The following HSPA4L variants were observed in gnomAD, a reference collection of about 807,000 sequenced individuals.
The protein encoded by HSPA4L is heat shock protein family A (Hsp70) member 4 like.
Under a neutral mutation model 100.3 loss-of-function variants are expected in HSPA4L, and 48 were observed. That is an observed-to-expected ratio of 0.48 (90% CI 0.38 to 0.61). The LOEUF (loss-of-function observed/expected upper bound fraction) is 0.61, where lower values mean the gene tolerates loss of function less well. Among genes scored for constraint, HSPA4L ranks in the 20% least tolerant of loss-of-function variants. The pLI is 0.00. For synonymous variants in HSPA4L, 319 were observed against 328.2 expected (o/e 0.97, Z 0.30); for missense variants, 886 against 988.6 (o/e 0.90, Z 1.39).
rs1369097788 is a variant in HSPA4L at position 127,803,685 on chromosome 4, A to G, written c.720A>G (p.Leu240=). The G allele has an allele frequency of 6.2e-7, 1 of 1,613,684 alleles. No individual in the cohort carries two copies. The change falls in exon 7 of 19, where the codon TTA becomes TTG. Residue 240 remains leucine (L), a synonymous_variant. Transcript: ENST00000296464. Reference sequence around the variant, plus strand: ...GTGGCAGGAACTTTGATGAGGCTTTAGTAGACTACTTCTGTGATGAGTTCA... The same window carrying G: ...GTGGCAGGAACTTTGATGAGGCTTTGGTAGACTACTTCTGTGATGAGTTCA... The part of the protein sequence containing the change: ...YLGGRNFDEA[L]VDYFCDEFKT...
intron 1 of HSPA4L, among the ~76,000 whole-genome samples, chr4:127,789,250 T>C (rs911763675): frequency 3.9e-5 from 6 of 152,222 alleles, no homozygotes; most frequent in African/African-American, 1.4e-4. Flanking sequence ...CATAGGACAT[T>C]TAGAAATCTT....
chr4:127,805,650 T>G, intron 9 of HSPA4L, 37 bp from the exon 10 acceptor site: 1 of 1,450,468 alleles, frequency 6.9e-7, no homozygotes. Context: ...ATGTTTTGTA[T>G]TTGTTGATTT....
At chr4:127,782,755 C>CT (rs1732599943) in intron 1 of HSPA4L, 98 bp downstream of exon 1, 12 of 910,020 alleles carry the variant, frequency 1.3e-5, no homozygotes, top group Non-Finnish European at 1.6e-5. Flanking sequence ...GGATTTTCCC[C>CT]TAACGTGCGC....
chr4:127,800,280 T>C (rs1029099355), intron 4 of HSPA4L, among the ~76,000 whole-genome samples: 1 of 152,010 alleles, frequency 6.6e-6, no homozygotes, highest in Non-Finnish European at 1.5e-5. Context: ...GCAACCATAG[T>C]GAGACCCGTC....
In HSPA4L at chr4:127,837,345, T is replaced by G. The variant is rs1287848515; in HGVS notation, c.*4471T>G. On this transcript the variant is annotated 3_prime_UTR_variant, in exon 19 of 19. Coordinates refer to ENST00000296464, the MANE Select transcript of HSPA4L (RefSeq NM_014278.4). ...TTTTGTTTTGTGATATTTTATTGTATAAACTGTTAATGAGAGGCACAGCTA... is the reference window on the plus strand; with the variant it reads ...TTTTGTTTTGTGATATTTTATTGTAGAAACTGTTAATGAGAGGCACAGCTA... 2 of 152,246 alleles carry G rather than the reference T, an allele frequency of 1.3e-5. No homozygotes were observed. Among genetic ancestry groups the G allele is most frequent in the African/African-American group, 4.8e-5 (2 of 41,470 alleles). The allele number at this position is 152,246 out of a possible 1,614,324, so 9.4% of individuals were successfully genotyped here. A position where few individuals can be genotyped will look rare whatever the true frequency, so the allele number is the denominator to read the frequency against.
intron 4 of HSPA4L, among the ~76,000 whole-genome samples, chr4:127,800,457 GAC>G (rs879455325): frequency 6.6e-6 from 1 of 152,044 alleles, no homozygotes. Context: ...GGCAGAGCTA[GAC>G]ACAGTCTCTT....
Position 127,822,803 on chromosome 4 carries a change from A to G in HSPA4L, c.1847A>G (p.Glu616Gly). Residue 616 changes from glutamate to glycine, a missense_variant, in exon 15 of 19, where the codon GAA (glutamate) becomes GGA (glycine). Coordinates refer to ENST00000296464, the MANE Select transcript of HSPA4L (RefSeq NM_014278.4). ...KMIMQDKLEK[E>G]RNDAKNAVEE... The stretch of plus-strand genomic sequence containing the variant: ...ATCATGCAAGATAAGTTAGAGAAAG[A>G]AAGAAATGATGCTAAGAATGCCGTT... The G allele has an allele frequency of 6.2e-7, 1 of 1,613,908 alleles. No homozygotes were observed. Among genetic ancestry groups the G allele is most frequent in the Non-Finnish European group, 8.5e-7 (1 of 1,179,872 alleles).
intron 13 of HSPA4L, 39 bp from the exon 14 acceptor site, chr4:127,820,389 C>CT (rs772662707): frequency 6.5e-7 from 1 of 1,535,072 alleles, no homozygotes. Context: ...TATTTTTAAG[C>CT]TAATTTTAGA....
At position 127,818,305 on chromosome 4, in the gene HSPA4L, A is replaced by G. The variant is rs140432503; in HGVS notation, c.1579-20A>G. ...AAAAAAGACACTGCGTATATTATCAATTATGTATTTTCTTTCTAGGATAAA... is the reference window on the plus strand; with the variant it reads ...AAAAAAGACACTGCGTATATTATCAGTTATGTATTTTCTTTCTAGGATAAA... On this transcript the variant is annotated intron_variant, in intron 12 of 18. Transcript: ENST00000296464. The G allele has an allele frequency of 9.7e-6, 15 of 1,539,026 alleles. No homozygotes were observed. The East Asian group carries it at 2.9e-4, about 30-fold the overall frequency.
intron 3 of HSPA4L, among the ~76,000 whole-genome samples, chr4:127,797,812 A>G (rs1157722321): frequency 1.3e-5 from 2 of 152,026 alleles, no homozygotes; most frequent in Non-Finnish European, 2.9e-5. Context: ...CGTGTTAGCC[A>G]GGATGGTCTT....
At chr4:127,796,367 G>C (rs1733021313) in intron 3 of HSPA4L, among the ~76,000 whole-genome samples, 1 of 152,070 alleles carries the variant, frequency 6.6e-6, no homozygotes, top group Non-Finnish European at 1.5e-5. Flanking sequence ...GATAGTTGTA[G>C]ATTAGTTAAC....
chr4:127,785,052 G>A (rs1048931122), intron 1 of HSPA4L, among the ~76,000 whole-genome samples: 2 of 152,178 alleles, frequency 1.3e-5, no homozygotes, highest in Admixed American at 6.5e-5. Flanking sequence ...GATTGCTTAT[G>A]GTTGAGAGGA....
At chr4:127,812,669 T>C in intron 12 of HSPA4L, 1 of 710,226 alleles carries the variant, frequency 1.4e-6, no homozygotes, top group Non-Finnish European at 2.5e-6. Context: ...TTTTGTTTTG[T>C]TTTGTTTTTG....
intron 3 of HSPA4L, among the ~76,000 whole-genome samples, chr4:127,796,578 A>C (rs888931167): frequency 1.3e-5 from 2 of 152,282 alleles, no homozygotes; most frequent in East Asian, 1.9e-4. Flanking sequence ...GTTTCTATCA[A>C]CTGATGAGTA....
In HSPA4L at chr4:127,834,766, A is replaced by C. The variant is rs1182823490; in HGVS notation, c.*1892A>C. On this transcript the variant is annotated 3_prime_UTR_variant, in exon 19 of 19. Coordinates refer to ENST00000296464, the MANE Select transcript of HSPA4L (RefSeq NM_014278.4). ...GGTTAAAACATCCACTCACTTGGTT[A>C]GGAGCTATGCCTCAGAAACTTCCTG... 6.6e-6 allele frequency: 1 copy of C among 152,198 alleles called. No homozygotes were observed. The highest frequency in any genetic ancestry group is 1.5e-5 in the Non-Finnish European group (1 of 68,008). The allele number at this position is 152,198 out of a possible 1,614,324, so 9.4% of individuals were successfully genotyped here.
chr4:127,793,984 C>A, intron 1 of HSPA4L, 93 bp from the exon 2 acceptor site: 1 of 777,782 alleles, frequency 1.3e-6, no homozygotes, highest in East Asian at 2.8e-5. Context: ...TTATATTTCT[C>A]CTTTTAAATT....
In HSPA4L at chr4:127,820,530, G is replaced by A; in HGVS notation, c.1777G>A (p.Gly593Ser). The change falls in exon 14 of 19, where the codon GGC (glycine) becomes AGC (serine). Residue 593 changes from glycine (G) to serine (S), a missense_variant. Coordinates refer to ENST00000296464, the MANE Select transcript of HSPA4L (RefSeq NM_014278.4). ...CCAGAGTAGCCTATGTAGACAACTA[G>A]GCCAAGATCTTCTCAACAGCTACAT... ...PIQSSLCRQL[G>S]QDLLNSYIEN... 1 of 1,600,580 alleles carries A rather than the reference G, an allele frequency of 6.2e-7. No individual in the cohort carries two copies. Among genetic ancestry groups the A allele is most frequent in the Non-Finnish European group, 8.5e-7 (1 of 1,174,970 alleles).
intron 1 of HSPA4L, among the ~76,000 whole-genome samples, chr4:127,790,262 A>G (rs1040367058): frequency 1.2e-4 from 19 of 152,240 alleles, no homozygotes; most frequent in African/African-American, 4.6e-4. Flanking sequence ...AAGTGATGGT[A>G]GCCTAGTATT....
chr4:127,785,501 G>A (rs758852869), intron 1 of HSPA4L, among the ~76,000 whole-genome samples: 2 of 151,538 alleles, frequency 1.3e-5, no homozygotes, highest in African/African-American at 2.4e-5. Context: ...GCAGTGGCGC[G>A]TTTTCAGCTC....
Sources: allele counts gnomAD v4.1 joint callset (sites outside exome capture counted in the v4.1 genomes callset), GRCh38; gene constraint gnomAD v4.1.1; transcripts MANE v1.5; gene names NCBI Gene and HGNC (gene_info 2026-07-23, HGNC 2026-07-21).